The following LDHAL6A variants were observed in gnomAD, a reference collection of about 807,000 sequenced individuals.
The protein encoded by LDHAL6A is L-lactate dehydrogenase A-like 6A.
Under a neutral mutation model 28.2 loss-of-function variants are expected in LDHAL6A, and 19 were observed. The observed-to-expected ratio is 0.67, with a 90% CI of 0.47 to 0.99. The LOEUF (loss-of-function observed/expected upper bound fraction) is 0.99, where lower values mean the gene tolerates loss of function less well. LDHAL6A is among the 50% of genes least tolerant of loss of function. The probability of loss-of-function intolerance (pLI) is 0.00; values close to 1 mark genes in which losing one functional copy is unlikely to be tolerated. For missense variants in LDHAL6A, 372 were observed against 398.6 expected (o/e 0.93, Z 0.57); for synonymous variants, 144 against 134.4 (o/e 1.07, Z -0.49).
At chr11:18,464,641 GGAGGTGGA>G (rs1215569852) in intron 2 of LDHAL6A, among the ~76,000 whole-genome samples, 1 of 152,020 alleles carries the variant, frequency 6.6e-6, no homozygotes, top group African/African-American at 2.4e-5. Flanking sequence ...CTTGAACCTG[GGAGGTGGA>G]GGTTGTGGTG....
At chr11:18,464,165 C>T (rs1848991950) in intron 2 of LDHAL6A, 87 bp downstream of exon 2, 1 of 908,840 alleles carries the variant, frequency 1.1e-6, no homozygotes, top group African/African-American at 1.7e-5. Flanking sequence ...TTGACCTCCC[C>T]AGTTTTTATA....
intron 1 of LDHAL6A, 142 bp downstream of exon 1, chr11:18,456,948 T>C: frequency 1.3e-6 from 1 of 766,764 alleles, no homozygotes; most frequent in South Asian, 2.4e-5. Context: ...GCCCTTTTTT[T>C]AGTTGTTCAC....
At chr11:18,467,863 A>AAT (rs1849110909) in intron 3 of LDHAL6A, among the ~76,000 whole-genome samples, 1 of 29,378 alleles carries the variant, frequency 3.4e-5, no homozygotes, top group South Asian at 2.0e-3. Context: ...CTCAAAAAAA[A>AAT]TATATATATA....
chr11:18,476,639 C>A, intron 5 of LDHAL6A, 138 bp downstream of exon 5: 1 of 1,430,044 alleles, frequency 7.0e-7, no homozygotes, highest in South Asian at 1.5e-5. Flanking sequence ...TCTGTGTGAT[C>A]ATATTCACCA....
intron 5 of LDHAL6A, among the ~76,000 whole-genome samples, chr11:18,477,031 T>C (rs138898598): frequency 5.9e-4 from 89 of 151,724 alleles, no homozygotes; most frequent in African/African-American, 2.0e-3. Flanking sequence ...CTGGGCAACA[T>C]AGGGAGACCC....
At chr11:18,466,787 A>T (rs1849085854) in intron 3 of LDHAL6A, among the ~76,000 whole-genome samples, 1 of 152,128 alleles carries the variant, frequency 6.6e-6, no homozygotes, top group Non-Finnish European at 1.5e-5. Context: ...GCTATAGTTT[A>T]CTGCCTGACT....
chr11:18,462,165 CCT>C (rs1361707968), intron 1 of LDHAL6A, among the ~76,000 whole-genome samples: 2 of 151,822 alleles, frequency 1.3e-5, no homozygotes, highest in Non-Finnish European at 2.9e-5. Flanking sequence ...AGAGCAAGCC[CCT>C]GTCTCAGAAA....
chr11:18,468,023 A>T (rs1849155612), intron 3 of LDHAL6A, among the ~76,000 whole-genome samples: 1 of 61,978 alleles, frequency 1.6e-5, no homozygotes, highest in Non-Finnish European at 2.8e-5. Context: ...ACATATATAT[A>T]CGTATATATA....
At position 18,479,058 on chromosome 11, in the gene LDHAL6A, G is replaced by A. The variant is rs1356550707; in HGVS notation, c.*188G>A. 2.5e-5 allele frequency: 12 copies of A among 475,790 alleles called. No homozygotes were observed. Among genetic ancestry groups the A allele is most frequent in the Non-Finnish European group, 4.1e-5 (11 of 270,110 alleles). 29.5% of individuals were successfully genotyped at this position (475,790 alleles called of 1,614,324 possible). On this transcript the variant is annotated 3_prime_UTR_variant, in exon 7 of 7. Coordinates refer to ENST00000280706, the MANE Select transcript of LDHAL6A (RefSeq NM_144972.5). The stretch of plus-strand genomic sequence containing the variant: ...AGGGTCTCATTCTGTCACCCAGGCT[G>A]GAGTGCAGTGGCACAATCATGGCTC...
At chr11:18,476,309 A>T (rs1483571694) in intron 4 of LDHAL6A, 75 bp from the exon 5 acceptor site, 9 of 1,511,484 alleles carry the variant, frequency 6.0e-6, no homozygotes, top group Admixed American at 2.2e-5. Context: ...CAATTATAAC[A>T]GTTTTGCTGA....
intron 1 of LDHAL6A, among the ~76,000 whole-genome samples, chr11:18,460,838 CCTTTT>C (rs1355967638): frequency 2.6e-5 from 4 of 152,038 alleles, no homozygotes; most frequent in African/African-American, 4.8e-5. Flanking sequence ...TTATTTCTTT[CCTTTT>C]CTTTTTTTTC....
At chr11:18,476,118 A>G (rs1198442769) in intron 4 of LDHAL6A, among the ~76,000 whole-genome samples, 1 of 152,218 alleles carries the variant, frequency 6.6e-6, no homozygotes, top group Non-Finnish European at 1.5e-5. Context: ...GCTATGGAAA[A>G]AGACTTAAAG....
At chr11:18,468,729 A>G (rs1849186534) in intron 3 of LDHAL6A, 1 of 152,612 alleles carries the variant, frequency 6.6e-6, no homozygotes, top group African/African-American at 2.4e-5. Flanking sequence ...TGGTCCTACC[A>G]TACATGCATA....
rs1023441466 is a variant in LDHAL6A, at chr11:18,477,543, TTAGA to T, written c.711-74_711-71del. 1.3e-5 allele frequency: 18 copies of T among 1,360,024 alleles called. No individual in the cohort carries two copies. In the African/African-American group the frequency reaches 2.4e-4, roughly 18 times the overall value. The allele number at this position is 1,360,024 out of a possible 1,614,324, so 84.2% of individuals were successfully genotyped here. On this transcript the variant is annotated intron_variant, in intron 5 of 6. Coordinates refer to ENST00000280706, the MANE Select transcript of LDHAL6A (RefSeq NM_144972.5). ...GAGTCACTGCAGTTTTGTGGCATTG[TTAGA>T]TACATTGCTACAAAGTGGAAGTTCA...
chr11:18,457,689 G>T (rs1020615739), intron 1 of LDHAL6A, among the ~76,000 whole-genome samples: 1 of 152,102 alleles, frequency 6.6e-6, no homozygotes, highest in Non-Finnish European at 1.5e-5. Context: ...ACACACACGT[G>T]AAAACCAACA....
In LDHAL6A at chr11:18,467,924, C is replaced by T. The variant is rs1205517406; in HGVS notation, c.418+2114C>T. Among the ~76,000 whole-genome samples the T allele has an allele frequency of 5.2e-4, 32 of 61,090 alleles. 1 individual carries two copies. Among genetic ancestry groups the T allele is most frequent in the South Asian group, 7.7e-4 (1 of 1,306 alleles). The allele number at this position is 61,090 out of a possible 152,430, so 40.1% of individuals were successfully genotyped here. ...ATATATATATATATATATATACACACACATATATATATACACACACATATA... is the reference window on the plus strand; with the variant it reads ...ATATATATATATATATATATACACATACATATATATATACACACACATATA... On this transcript the variant is annotated intron_variant, in intron 3 of 6. Transcript: ENST00000280706.
chr11:18,478,209 C>A lies in LDHAL6A; in HGVS notation c.834+466C>A, dbSNP rs11024671. 7.2e-3 allele frequency among the ~76,000 whole-genome samples: 1,100 copies of A among 151,944 alleles called. 12 individuals are homozygous for A. Among genetic ancestry groups the A allele is most frequent in the African/African-American group, 0.025 (1,049 of 41,426 alleles). ...GCTAGTCTAAATGGGAGAGGTTATA[C>A]AACAAGACAGATCTAGATCACTGCA... On this transcript the variant is annotated intron_variant, in intron 6 of 6. Coordinates refer to ENST00000280706, the MANE Select transcript of LDHAL6A (RefSeq NM_144972.5).
In LDHAL6A at chr11:18,476,459, A is replaced by G. The variant is rs138196216; in HGVS notation, c.668A>G (p.Asp223Gly). ...AACCCAGATATAGGAACTGATAAAG[A>G]TCCTGAGCAGTGGGAAAATGTCCAC... ...DLNPDIGTDKDPEQWENVHKK... is the reference protein window; with the variant it reads ...DLNPDIGTDKGPEQWENVHKK... The change falls in exon 5 of 7, where the codon GAT becomes GGT. Residue 223 changes from aspartate (D) to glycine (G), a missense_variant. Asp to Gly is a moderately conservative substitution (Grantham distance 94). This residue lies in a region of LDHAL6A where 291 missense variants were observed against 302.9 expected (regional missense o/e 0.96). Transcript: ENST00000280706. The G allele has an allele frequency of 2.8e-4, 458 of 1,614,136 alleles. 1 individual carries two copies. In the East Asian group the frequency reaches 8.9e-3, roughly 31 times the overall value.
intron 1 of LDHAL6A, among the ~76,000 whole-genome samples, chr11:18,457,919 A>G (rs1848799968): frequency 6.6e-6 from 1 of 152,244 alleles, no homozygotes; most frequent in Non-Finnish European, 1.5e-5. Flanking sequence ...AGTAAATATT[A>G]GACCTACTTT....
Sources: allele counts gnomAD v4.1 joint callset (sites outside exome capture counted in the v4.1 genomes callset), GRCh38; gene constraint gnomAD v4.1.1; regional missense constraint gnomAD v4.1.1; transcripts MANE v1.5; gene names NCBI Gene and HGNC (gene_info 2026-07-23, HGNC 2026-07-21).